The following MBNL2 variants were observed in gnomAD, a reference collection of about 807,000 sequenced individuals.
The protein encoded by MBNL2 is muscleblind like splicing regulator 2, also known as muscleblind-like protein 2.
Under a neutral mutation model 41.9 loss-of-function variants are expected in MBNL2, and 17 were observed. The observed-to-expected ratio is 0.41, with a 90% CI of 0.28 to 0.61. The LOEUF (loss-of-function observed/expected upper bound fraction) is 0.61. Among genes scored for constraint, MBNL2 ranks in the 20% least tolerant of loss-of-function variants. MBNL2 has a pLI of 0.35. For missense variants in MBNL2, 336 were observed against 505.6 expected, an observed-to-expected ratio of 0.66 and a Z score of 3.22; for synonymous variants, 195 against 182.9, an observed-to-expected ratio of 1.07 and a Z score of -0.53.
chr13:97,371,284 T>C (rs979440615), intron 8 of MBNL2, among the ~76,000 whole-genome samples: 1 of 152,192 alleles, frequency 6.6e-6, no homozygotes, highest in Non-Finnish European at 1.5e-5. Flanking sequence ...ACAATTAAAA[T>C]ACAATTTATA....
chr13:97,336,518 G>C (rs1454400022), intron 3 of MBNL2, among the ~76,000 whole-genome samples: 1 of 152,148 alleles, frequency 6.6e-6, no homozygotes, highest in African/African-American at 2.4e-5. Flanking sequence ...ATAAGAGAGA[G>C]GGAGAGTTAG....
At chr13:97,344,819 A>G (rs183893006) in intron 4 of MBNL2, among the ~76,000 whole-genome samples, 1 of 152,358 alleles carries the variant, frequency 6.6e-6, no homozygotes, top group Admixed American at 6.5e-5. Context: ...GTCCTTCTCA[A>G]CAGGGCTGGT....
At chr13:97,302,402 T>C (rs1307206484) in intron 2 of MBNL2, among the ~76,000 whole-genome samples, 1 of 152,158 alleles carries the variant, frequency 6.6e-6, no homozygotes, top group Non-Finnish European at 1.5e-5. Context: ...ATTTTAGCTG[T>C]GGGGTGTGGT....
intron 2 of MBNL2, among the ~76,000 whole-genome samples, chr13:97,333,756 C>T (rs1394295258): frequency 6.6e-6 from 1 of 151,830 alleles, no homozygotes; most frequent in Admixed American, 6.6e-5. Flanking sequence ...GGACATCACT[C>T]TAGCATGTAC....
intron 4 of MBNL2, among the ~76,000 whole-genome samples, chr13:97,344,460 T>C (rs2061677117): frequency 6.6e-6 from 1 of 152,236 alleles, no homozygotes; most frequent in Non-Finnish European, 1.5e-5. Context: ...GAATGTTCTT[T>C]CAATGTGCAT....
chr13:97,372,352 AAC>A (rs772252985), intron 8 of MBNL2, among the ~76,000 whole-genome samples: 36 of 152,196 alleles, frequency 2.4e-4, no homozygotes, highest in Non-Finnish European at 4.6e-4. Context: ...AAGTACATTC[AAC>A]AGAGAGTTGG....
chr13:97,347,252 C>T (rs1024973231), intron 5 of MBNL2, among the ~76,000 whole-genome samples, 185 bp downstream of exon 5: 4 of 152,214 alleles, frequency 2.6e-5, no homozygotes, highest in Non-Finnish European at 4.4e-5. Flanking sequence ...CTCCTGCCCC[C>T]CTTCAGCACA....
intron 2 of MBNL2, among the ~76,000 whole-genome samples, chr13:97,305,628 G>A (rs2058052427): frequency 1.3e-5 from 2 of 151,934 alleles, no homozygotes; most frequent in Admixed American, 1.3e-4. Context: ...AGCTGGATGT[G>A]GTGGCACGCA....
At chr13:97,184,854 C>T in the MBNL2 span, among the ~76,000 whole-genome samples, 1 of 152,140 alleles carries the variant, frequency 6.6e-6, no homozygotes, top group Non-Finnish European at 1.5e-5. Flanking sequence ...TCCATCTTTT[C>T]CCTGAGTCAG....
At chr13:97,290,532 C>G (rs987491675) in intron 2 of MBNL2, among the ~76,000 whole-genome samples, 1 of 151,960 alleles carries the variant, frequency 6.6e-6, no homozygotes, top group Non-Finnish European at 1.5e-5. Flanking sequence ...AAAAATTAGC[C>G]GGGCGCGGTG....
intron 3 of MBNL2, among the ~76,000 whole-genome samples, chr13:97,337,305 A>G (rs56323958): frequency 6.6e-6 from 1 of 152,002 alleles, no homozygotes; most frequent in Non-Finnish European, 1.5e-5. Context: ...AATTCAATTC[A>G]GTTGTTTGTA....
At chr13:97,167,483 G>A in the MBNL2 span, among the ~76,000 whole-genome samples, 26 of 151,990 alleles carry the variant, frequency 1.7e-4, no homozygotes, top group East Asian at 3.9e-4. Context: ...GGGATAAAGC[G>A]CAGGCAAAGA....
intron 1 of MBNL2, among the ~76,000 whole-genome samples, chr13:97,272,972 C>A (rs1370946668): frequency 6.6e-6 from 1 of 152,206 alleles, no homozygotes; most frequent in Admixed American, 6.5e-5. Context: ...ATGAAAAAGG[C>A]TTCTTACCTA....
chr13:97,286,072 T>G (rs2054376642), intron 2 of MBNL2, among the ~76,000 whole-genome samples: 1 of 152,220 alleles, frequency 6.6e-6, no homozygotes, highest in South Asian at 2.1e-4. Flanking sequence ...CCAACGACCA[T>G]AAACATTTCT....
At chr13:97,336,064 C>A (rs2153068381) in intron 3 of MBNL2, among the ~76,000 whole-genome samples, 1 of 152,294 alleles carries the variant, frequency 6.6e-6, no homozygotes, top group South Asian at 2.1e-4. Flanking sequence ...TAAAGACTGA[C>A]CCTGGTACTC....
chr13:97,291,450 C>G (rs111257311), intron 2 of MBNL2, among the ~76,000 whole-genome samples: 13,307 of 152,026 alleles, frequency 0.088, 655 homozygotes, highest in South Asian at 0.14. Flanking sequence ...ACCGTGTTAG[C>G]CAGGATGGTC....
At chr13:97,156,710 A>G in the MBNL2 span, among the ~76,000 whole-genome samples, 25 of 148,578 alleles carry the variant, frequency 1.7e-4, no homozygotes, top group Non-Finnish European at 3.1e-4. Context: ...AGTTGTAGAT[A>G]TGCGGCGTTA....
At chr13:97,207,653 A>G in the MBNL2 span, among the ~76,000 whole-genome samples, 2 of 152,192 alleles carry the variant, frequency 1.3e-5, no homozygotes, top group Non-Finnish European at 2.9e-5. Flanking sequence ...AACAGAGCCA[A>G]ACCATATAAT....
At chr13:97,199,443 T>C in the MBNL2 span, among the ~76,000 whole-genome samples, 1 of 152,214 alleles carries the variant, frequency 6.6e-6, no homozygotes, top group Non-Finnish European at 1.5e-5. Context: ...TTGTGCTCCC[T>C]GATATGTCTC....
Sources: gnomAD v4.1 joint callset for allele counts (sites outside exome capture counted in the v4.1 genomes callset) on GRCh38, gnomAD v4.1.1 for gene constraint, MANE v1.5 for transcripts, NCBI Gene and HGNC (gene_info 2026-07-23, HGNC 2026-07-21) for gene names.